The following TMEM236 variants were observed in gnomAD, a reference collection of about 807,000 sequenced individuals.
The protein encoded by TMEM236 is transmembrane protein 236, also known as family with sequence similarity 23, member A.
Under a neutral mutation model 14.7 loss-of-function variants are expected in TMEM236, and 11 were observed. The observed-to-expected ratio is 0.75, with a 90% confidence interval of 0.47 to 1.24. The LOEUF (loss-of-function observed/expected upper bound fraction) is 1.24, where lower values mean the gene tolerates loss of function less well. Among genes scored for constraint, TMEM236 ranks in the 50% most tolerant of loss-of-function variants. The pLI is 0.00. For missense variants in TMEM236, 464 were observed against 427.3 expected, an observed-to-expected ratio of 1.09 and a Z score of -0.76; for synonymous variants, 182 against 168.6, an observed-to-expected ratio of 1.08 and a Z score of -0.62.
chr10:17,753,765 G>A (rs899444848), intron 1 of TMEM236, among the ~76,000 whole-genome samples: 3 of 152,200 alleles, frequency 2.0e-5, no homozygotes, highest in Admixed American at 6.5e-5. Flanking sequence ...TATATACCCA[G>A]TATTGAAATT....
At chr10:17,757,986 C>T (rs1304870470) in intron 1 of TMEM236, among the ~76,000 whole-genome samples, 1 of 152,092 alleles carries the variant, frequency 6.6e-6, no homozygotes, top group Non-Finnish European at 1.5e-5. Context: ...CCAGGCTAGT[C>T]TCCAACTCCT....
intron 1 of TMEM236, among the ~76,000 whole-genome samples, chr10:17,769,170 A>G (rs1837527805): frequency 6.6e-6 from 1 of 152,242 alleles, no homozygotes; most frequent in African/African-American, 2.4e-5. Flanking sequence ...CAAGAATAGA[A>G]CCACCAACAG....
intron 3 of TMEM236, among the ~76,000 whole-genome samples, chr10:17,788,715 A>G (rs1194393706): frequency 6.6e-6 from 1 of 152,094 alleles, no homozygotes; most frequent in Non-Finnish European, 1.5e-5. Flanking sequence ...ACATTTATTT[A>G]TTGTCAGATT....
chr10:17,766,340 C>T (rs1837463610), intron 1 of TMEM236, among the ~76,000 whole-genome samples: 1 of 152,150 alleles, frequency 6.6e-6, no homozygotes, highest in African/African-American at 2.4e-5. Context: ...TAGAAAGGAT[C>T]ACCCTTCCTC....
At position 17,793,651 on chromosome 10, in the gene TMEM236, T is replaced by C. The variant is rs1311653295; in HGVS notation, c.473-2270T>C. ...GGTGCCCACCACCACTCCCAGCTAT[T>C]TTTTTTGTATTTTTAGTAGAAATGG... is the stretch of plus-strand genomic sequence containing the variant. On this transcript the variant is annotated intron_variant, in intron 3 of 3. Coordinates refer to ENST00000377495, the MANE Select transcript of TMEM236 (RefSeq NM_001098844.3). Among the ~76,000 whole-genome samples, 3 of 151,858 alleles carry C rather than the reference T, an allele frequency of 2.0e-5. No homozygotes were observed. In the East Asian group the frequency reaches 5.8e-4, roughly 29 times the overall value.
At chr10:17,754,514 A>G (rs1165776136) in intron 1 of TMEM236, among the ~76,000 whole-genome samples, 2 of 152,070 alleles carry the variant, frequency 1.3e-5, no homozygotes, top group African/African-American at 4.8e-5. Context: ...TTTTATAAAG[A>G]TGAGGTTTTG....
In TMEM236 at chr10:17,753,436, C is replaced by T. The variant is rs915796926; in HGVS notation, c.257+884C>T. Among the ~76,000 whole-genome samples the T allele has an allele frequency of 5.7e-3, 868 of 152,176 alleles. 5 individuals carry two copies. Among genetic ancestry groups the T allele is most frequent in the African/African-American group, 0.02 (826 of 41,496 alleles). On this transcript the variant is annotated intron_variant, in intron 1 of 3. Coordinates refer to ENST00000377495, the MANE Select transcript of TMEM236 (RefSeq NM_001098844.3). ...CTGGAAGGCCCCGGTGTGTGTTGTT[C>T]CCCTCTGTGTGTGCATGTGTTCTCA...
rs1332764909 is a variant in TMEM236, at chr10:17,764,914, C to A, written c.258-6395C>A. ...GTGGTGCGATCTTGGCTCACCTCAACCTCTGCCTCCCAGATTCAAGCCTCA... is the reference window on the plus strand; with the variant it reads ...GTGGTGCGATCTTGGCTCACCTCAAACTCTGCCTCCCAGATTCAAGCCTCA... On this transcript the variant is annotated intron_variant, in intron 1 of 3. Transcript: ENST00000377495. Among the ~76,000 whole-genome samples, 3 of 149,726 alleles carry A rather than the reference C, an allele frequency of 2.0e-5. No individual in the cohort carries two copies. In the East Asian group the frequency reaches 6.0e-4, roughly 30 times the overall value.
rs1463105762 is a variant in TMEM236 at position 17,799,526 on chromosome 10, C to G, written c.*3022C>G. ...AGGAGAATCACTTGAACCTGGGAGG[C>G]AGAGGTTGCAATGAGCTGAGATTGC... On this transcript the variant is annotated 3_prime_UTR_variant, in exon 4 of 4. Coordinates refer to ENST00000377495, the MANE Select transcript of TMEM236 (RefSeq NM_001098844.3). The G allele has an allele frequency of 6.6e-6, 1 of 152,018 alleles. No homozygotes were observed. Among genetic ancestry groups the G allele is most frequent in the Non-Finnish European group, 1.5e-5 (1 of 68,012 alleles). 9.4% of individuals were successfully genotyped at this position (152,018 alleles called of 1,614,324 possible).
In TMEM236 at chr10:17,796,225, C is replaced by A. The variant is rs1001234857; in HGVS notation, c.777C>A (p.Asn259Lys). 345,966 of 1,613,772 alleles carry A rather than the reference C, an allele frequency of 0.21. 39,280 individuals are homozygous for A. The highest frequency in any genetic ancestry group is 0.23 in the Non-Finnish European group (270,654 of 1,179,794). ...TGGTGCGTGTGGCTGGTCACCCCAA[C>A]GTGTACAAGTCAAGCTGGCTATACC... The part of the protein sequence containing the change: ...IEMVRVAGHP[N>K]VYKSSWLYPV... The change falls in exon 4 of 4, where the codon AAC becomes AAA. Residue 259 changes from asparagine (N) to lysine (K), a missense_variant. Transcript: ENST00000377495.
intron 2 of TMEM236, among the ~76,000 whole-genome samples, chr10:17,773,517 T>C (rs1837608343): frequency 6.6e-6 from 1 of 152,138 alleles, no homozygotes; most frequent in African/African-American, 2.4e-5. Flanking sequence ...TTTGTATTTT[T>C]AGTACAGACG....
chr10:17,785,525 A>G (rs1307992174), intron 3 of TMEM236, among the ~76,000 whole-genome samples: 4 of 152,230 alleles, frequency 2.6e-5, no homozygotes, highest in African/African-American at 7.2e-5. Context: ...AATAGCATGT[A>G]AGAGATGTCA....
At chr10:17,756,721 G>A (rs1837289906) in intron 1 of TMEM236, among the ~76,000 whole-genome samples, 1 of 152,210 alleles carries the variant, frequency 6.6e-6, no homozygotes, top group Non-Finnish European at 1.5e-5. Flanking sequence ...TTGGACCTAG[G>A]TCTACCTGAC....
chr10:17,788,450 A>G (rs1462662523), intron 3 of TMEM236, among the ~76,000 whole-genome samples: 1 of 151,808 alleles, frequency 6.6e-6, no homozygotes, highest in Non-Finnish European at 1.5e-5. Flanking sequence ...GGGAAAAATG[A>G]TCTCTAAACC....
chr10:17,792,952 G>A (rs1368946231), intron 3 of TMEM236, among the ~76,000 whole-genome samples: 2 of 152,170 alleles, frequency 1.3e-5, no homozygotes, highest in Non-Finnish European at 1.5e-5. Context: ...ACTTTGCTCC[G>A]AGATGTGCTT....
intron 1 of TMEM236, among the ~76,000 whole-genome samples, chr10:17,761,709 AAAG>A (rs1837366498): frequency 6.6e-6 from 1 of 151,626 alleles, no homozygotes; most frequent in African/African-American, 2.4e-5. Context: ...AAAAAAAAAA[AAAG>A]AAAAGGAAGT....
intron 1 of TMEM236, among the ~76,000 whole-genome samples, chr10:17,768,971 G>A (rs1837523422): frequency 6.6e-6 from 1 of 152,130 alleles, no homozygotes. Flanking sequence ...GTGGCATTAA[G>A]TACATTTACA....
chr10:17,782,917 G>A (rs1212283955), intron 3 of TMEM236, among the ~76,000 whole-genome samples: 1 of 152,176 alleles, frequency 6.6e-6, no homozygotes, highest in Admixed American at 6.5e-5. Flanking sequence ...TCATTCAGAA[G>A]TAAAAGGGTT....
chr10:17,780,647 A>G (rs1456140864), intron 3 of TMEM236, among the ~76,000 whole-genome samples: 5 of 152,154 alleles, frequency 3.3e-5, no homozygotes, highest in Non-Finnish European at 7.4e-5. Context: ...GCGTGTATGT[A>G]GCAAATGGCC....
Sources: allele counts gnomAD v4.1 joint callset (sites outside exome capture counted in the v4.1 genomes callset), GRCh38; gene constraint gnomAD v4.1.1; transcripts MANE v1.5; gene names NCBI Gene and HGNC (gene_info 2026-07-23, HGNC 2026-07-21).